NME9: variants seen among roughly 807,000 people sequenced by gnomAD.
The protein encoded by NME9 is NME/NM23 family member 9, also known as thioredoxin domain-containing protein 6.
NME9 carries 48 observed loss-of-function variants against 44.4 expected under a neutral mutation model. The observed-to-expected ratio is 1.08, with a 90% CI of 0.86 to 1.37. The LOEUF (loss-of-function observed/expected upper bound fraction) is 1.37, where lower values mean the gene tolerates loss of function less well. Ranked by LOEUF, NME9 falls within the 40% of genes most tolerant of loss-of-function variation. The pLI is 0.00. For missense variants in NME9, 325 were observed against 405.2 expected (o/e 0.80, Z 1.70); for synonymous variants, 139 against 147.1 (o/e 0.94, Z 0.40).
At chr3:138,270,082 A>G (rs763452866) in intron 8 of NME9, 1 of 1,613,640 alleles carries the variant, frequency 6.2e-7, no homozygotes, top group Middle Eastern at 1.7e-4. Context: ...TTGTGGATTA[A>G]CTCAGAGTGA....
chr3:138,273,315 T>C (rs1274409102), intron 8 of NME9, among the ~76,000 whole-genome samples: 1 of 152,212 alleles, frequency 6.6e-6, no homozygotes, highest in Non-Finnish European at 1.5e-5. Flanking sequence ...TATCACCCCC[T>C]ATTCTCCACT....
At chr3:138,323,897 C>T (rs1179092549) in intron 2 of NME9, among the ~76,000 whole-genome samples, 1 of 152,138 alleles carries the variant, frequency 6.6e-6, no homozygotes, top group African/African-American at 2.4e-5. Context: ...TCTAATGATC[C>T]CCACCTCTTG....
intron 8 of NME9, among the ~76,000 whole-genome samples, chr3:138,275,149 G>A (rs2049154636): frequency 6.6e-6 from 1 of 152,004 alleles, no homozygotes; most frequent in South Asian, 2.1e-4. Flanking sequence ...ATTTTATTTT[G>A]CTCTAAAAAC....
chr3:138,295,750 C>T, intron 8 of NME9: 1 of 1,287,234 alleles, frequency 7.8e-7, no homozygotes. Flanking sequence ...CCAATTCCCT[C>T]TGGAGATTTA....
chr3:138,278,362 C>T (rs888940975), intron 8 of NME9, among the ~76,000 whole-genome samples: 3 of 151,774 alleles, frequency 2.0e-5, no homozygotes, highest in African/African-American at 7.3e-5. Flanking sequence ...AAAAATTAGC[C>T]AGGTATGGTC....
chr3:138,264,249 A>G (rs770785995), intron 8 of NME9: 3 of 1,552,400 alleles, frequency 1.9e-6, no homozygotes, highest in South Asian at 2.2e-5. Flanking sequence ...AGCTGTACTC[A>G]CAGACCCTAG....
intron 8 of NME9, chr3:138,273,180 C>A: frequency 6.8e-7 from 1 of 1,477,616 alleles, no homozygotes; most frequent in South Asian, 1.3e-5. Flanking sequence ...AGACATTGCT[C>A]TCTCTCTGTG....
chr3:138,329,506 C>T lies in NME9; in HGVS notation c.-171G>A. ...GCTTCTAACTGGCGGCAAATCAGCA[C>T]ACTGATACAAAGTGAACACCCCGCG... On this transcript the variant is annotated 5_prime_UTR_variant, in exon 1 of 11. It adds an upstream start codon to the 5' untranslated region. Transcript: ENST00000333911. 1 of 1,438,576 alleles carries T rather than the reference C, an allele frequency of 7.0e-7. No homozygotes were observed. Among genetic ancestry groups the T allele is most frequent in the South Asian group, 1.5e-5 (1 of 67,966 alleles). The allele number at this position is 1,438,576 out of a possible 1,614,324, so 89.1% of individuals were successfully genotyped here. A position where few individuals can be genotyped will look rare whatever the true frequency, so the allele number is the denominator to read the frequency against.
At chr3:138,265,024 A>G (rs1236630828) in intron 8 of NME9, among the ~76,000 whole-genome samples, 1 of 151,894 alleles carries the variant, frequency 6.6e-6, no homozygotes, top group Admixed American at 6.6e-5. Context: ...TGGCCTCCCA[A>G]GTAACTGGGA....
chr3:138,279,653 G>C (rs965830119), intron 8 of NME9, among the ~76,000 whole-genome samples: 9 of 152,106 alleles, frequency 5.9e-5, no homozygotes, highest in Non-Finnish European at 1.3e-4. Flanking sequence ...CTACCAGTTG[G>C]AATCATCTGG....
At chr3:138,284,953 T>G (rs1420977490) in intron 8 of NME9, among the ~76,000 whole-genome samples, 1 of 152,238 alleles carries the variant, frequency 6.6e-6, no homozygotes, top group Non-Finnish European at 1.5e-5. Flanking sequence ...ATATCCTGCA[T>G]CTGATCATCA....
chr3:138,304,225 T>G (rs2052060844), intron 9 of NME9, among the ~76,000 whole-genome samples: 1 of 152,204 alleles, frequency 6.6e-6, no homozygotes, highest in African/African-American at 2.4e-5. Context: ...TAGCCCAGCC[T>G]GCCTCATATA....
intron 8 of NME9, chr3:138,288,920 A>G: frequency 1.5e-6 from 1 of 685,998 alleles, no homozygotes; most frequent in South Asian, 1.9e-5. Flanking sequence ...TACAGGCATG[A>G]GCCACCTCAC....
At chr3:138,285,052 G>T (rs761414701) in intron 8 of NME9, among the ~76,000 whole-genome samples, 1 of 152,166 alleles carries the variant, frequency 6.6e-6, no homozygotes, top group Non-Finnish European at 1.5e-5. Context: ...TCTAATCATG[G>T]AGGAAGCCTC....
intron 3 of NME9, among the ~76,000 whole-genome samples, chr3:138,318,757 T>C (rs537559465): frequency 6.6e-6 from 1 of 152,338 alleles, no homozygotes; most frequent in South Asian, 2.1e-4. Flanking sequence ...ACAGTGTCTC[T>C]TGCACACTTC....
At chr3:138,267,115 C>A in intron 8 of NME9, 2 of 1,017,500 alleles carry the variant, frequency 2.0e-6, no homozygotes, top group South Asian at 3.2e-5. Flanking sequence ...TCATCTTCAT[C>A]ATTCCAAATC....
intron 8 of NME9, chr3:138,290,757 T>G: frequency 1.4e-6 from 1 of 697,478 alleles, no homozygotes. Flanking sequence ...TTCTTAGATT[T>G]TCTTCATAAT....
At chr3:138,298,983 A>G (rs915525102), downstream of NME9, among the ~76,000 whole-genome samples, 1 of 152,148 alleles carries the variant, frequency 6.6e-6, no homozygotes, top group East Asian at 1.9e-4. Context: ...AGGGCCAAGC[A>G]GGCCCCTGTT....
intron 1 of NME9, chr3:138,326,980 A>G (rs1329672573): frequency 1.1e-4 from 1 of 9,008 alleles, no homozygotes; most frequent in African/African-American, 3.8e-4. Context: ...TGCCTCTACT[A>G]AAAAAAAAAA....
Sources: allele counts gnomAD v4.1 joint callset (sites outside exome capture counted in the v4.1 genomes callset), GRCh38; gene constraint gnomAD v4.1.1; transcripts MANE v1.5; gene names NCBI Gene and HGNC (gene_info 2026-07-23, HGNC 2026-07-21).